The following LRRIQ3 variants were observed in gnomAD, a reference collection of about 807,000 sequenced individuals.
LRRIQ3 encodes the protein leucine-rich repeat and IQ domain-containing protein 3.
LRRIQ3 carries 75 observed loss-of-function variants against 59.3 expected under a neutral mutation model. The ratio of observed to expected loss-of-function variants is 1.26; its 90% CI spans 1.05 to 1.53. LRRIQ3 has a LOEUF of 1.53. Ranked by LOEUF, LRRIQ3 falls within the 40% of genes most tolerant of loss-of-function variation. The pLI, the probability that LRRIQ3 is intolerant of heterozygous loss-of-function variation, is 0.00. For missense variants in LRRIQ3, 831 were observed against 710.0 expected, an observed-to-expected ratio of 1.17 and a Z score of -1.94; for synonymous variants, 250 against 231.3, an observed-to-expected ratio of 1.08 and a Z score of -0.73.
At chr1:74,127,355 T>G (rs952359911) in intron 4 of LRRIQ3, among the ~76,000 whole-genome samples, 26 of 152,144 alleles carry the variant, frequency 1.7e-4, no homozygotes, top group African/African-American at 6.3e-4. Flanking sequence ...ATGTTATTGT[T>G]GATAGGTAAG....
intron 5 of LRRIQ3, among the ~76,000 whole-genome samples, chr1:74,091,440 C>T (rs74681580): frequency 6.6e-6 from 1 of 152,006 alleles, no homozygotes; most frequent in Non-Finnish European, 1.5e-5. Context: ...TAGAGTTACT[C>T]TGCTTATTAT....
At chr1:74,051,183 A>G (rs574255590) in intron 6 of LRRIQ3, among the ~76,000 whole-genome samples, 1 of 152,312 alleles carries the variant, frequency 6.6e-6, no homozygotes, top group East Asian at 1.9e-4. Context: ...GAAAATTGTA[A>G]CACATTAAAT....
At chr1:74,031,625 G>A (rs563800397) in intron 7 of LRRIQ3, among the ~76,000 whole-genome samples, 1 of 139,612 alleles carries the variant, frequency 7.2e-6, no homozygotes, top group African/African-American at 2.6e-5. Context: ...GGTGAGGGGA[G>A]GGGGGAGGGA....
chr1:74,026,516 T>C lies in LRRIQ3; in HGVS notation c.*297A>G, dbSNP rs17094753. ...TATGAATTGCTATATTTAGAAAGAA[T>C]ATGAAACAGAATATCAGCAATGTCA... On this transcript the variant is annotated 3_prime_UTR_variant, in exon 8 of 8. Coordinates refer to ENST00000354431, the MANE Select transcript of LRRIQ3 (RefSeq NM_001105659.2). The C allele has an allele frequency of 0.01, 2,165 of 207,980 alleles. 46 individuals are homozygous for C. Among genetic ancestry groups the C allele is most frequent in the African/African-American group, 0.048 (2,051 of 42,932 alleles). The allele number at this position is 207,980 out of a possible 1,614,324, so 12.9% of individuals were successfully genotyped here. A position where few individuals can be genotyped will look rare whatever the true frequency, so the allele number is the denominator to read the frequency against.
intron 6 of LRRIQ3, among the ~76,000 whole-genome samples, chr1:74,072,589 CA>C (rs1423069648): frequency 6.6e-6 from 1 of 151,798 alleles, no homozygotes; most frequent in Non-Finnish European, 1.5e-5. Context: ...AAAAAATAAT[CA>C]GTGCTCAGGA....
At chr1:74,099,777 A>G (rs1169697413) in intron 5 of LRRIQ3, among the ~76,000 whole-genome samples, 4 of 152,226 alleles carry the variant, frequency 2.6e-5, no homozygotes, top group African/African-American at 9.6e-5. Flanking sequence ...AATGTAATCC[A>G]TCATATAAAC....
At chr1:74,121,671 G>A (rs1646858204) in intron 4 of LRRIQ3, among the ~76,000 whole-genome samples, 1 of 151,920 alleles carries the variant, frequency 6.6e-6, no homozygotes, top group African/African-American at 2.4e-5. Context: ...CCATGTTGGT[G>A]TGCTGCACCC....
intron 4 of LRRIQ3, among the ~76,000 whole-genome samples, chr1:74,120,559 AT>A (rs1298462600): frequency 6.6e-6 from 1 of 151,948 alleles, no homozygotes; most frequent in Non-Finnish European, 1.5e-5. Context: ...CACCAGCCAA[AT>A]TTTTTAAATC....
chr1:74,163,907 C>T (rs186018063), intron 3 of LRRIQ3, among the ~76,000 whole-genome samples: 2 of 151,316 alleles, frequency 1.3e-5, no homozygotes, highest in African/African-American at 4.8e-5. Context: ...AATTTATTGT[C>T]ACTCTTTTTT....
At chr1:74,171,791 A>C (rs1649336702) in intron 3 of LRRIQ3, among the ~76,000 whole-genome samples, 1 of 152,158 alleles carries the variant, frequency 6.6e-6, no homozygotes, top group Non-Finnish European at 1.5e-5. Flanking sequence ...TGATTACATA[A>C]TCAACCTCCT....
At chr1:74,144,036 T>C (rs1414306557) in intron 4 of LRRIQ3, among the ~76,000 whole-genome samples, 1 of 151,890 alleles carries the variant, frequency 6.6e-6, no homozygotes, top group African/African-American at 2.4e-5. Flanking sequence ...AATGCATAAA[T>C]AGATGTTGGT....
Position 74,173,871 on chromosome 1 carries a change from C to T in LRRIQ3, c.573+8667G>A, listed in dbSNP as rs147515706. 3.8e-3 allele frequency among the ~76,000 whole-genome samples: 585 copies of T among 152,088 alleles called. 7 individuals carry two copies. Among genetic ancestry groups the T allele is most frequent in the East Asian group, 5.0e-3 (26 of 5,172 alleles). On this transcript the variant is annotated intron_variant, in intron 3 of 7. Transcript: ENST00000354431. ...ATCTCTCTTTTATTTTTTGAATAAGCATTTTGCTAGGCATAGTATTTTTGG... is the reference window on the plus strand; with the variant it reads ...ATCTCTCTTTTATTTTTTGAATAAGTATTTTGCTAGGCATAGTATTTTTGG...
intron 1 of LRRIQ3, among the ~76,000 whole-genome samples, chr1:74,191,061 G>A (rs983805678): frequency 1.3e-5 from 2 of 152,084 alleles, no homozygotes; most frequent in African/African-American, 4.8e-5. Flanking sequence ...AAATTACCCA[G>A]TGTTGAGTGT....
chr1:74,029,199 C>G (rs1653616846), intron 7 of LRRIQ3, among the ~76,000 whole-genome samples: 1 of 151,944 alleles, frequency 6.6e-6, no homozygotes, highest in African/African-American at 2.4e-5. Context: ...AATTGAATAC[C>G]CTTTATTTCT....
In LRRIQ3 at chr1:74,041,362, A is replaced by C; in HGVS notation, c.1569T>G (p.Asn523Lys). The change falls in exon 7 of 8, where the codon AAT (asparagine) becomes AAG (lysine). Residue 523 changes from asparagine to lysine, a missense_variant. Asn to Lys is a moderately conservative substitution (Grantham distance 94, BLOSUM62 0). Transcript: ENST00000354431. ...GTCCTCTGGTCAAAAGAGTGCGCTC[A>C]TTATTTAAGTTTTGAACTAATAAAC... Reference protein sequence around the residue: ...SERLLVQNLNNERTLLTRGLL... With the variant: ...SERLLVQNLNKERTLLTRGLL... The C allele has an allele frequency of 6.2e-7, 1 of 1,613,866 alleles. No individual in the cohort carries two copies. Among genetic ancestry groups the C allele is most frequent in the Non-Finnish European group, 8.5e-7 (1 of 1,179,896 alleles).
chr1:74,151,168 C>T (rs970155984), intron 4 of LRRIQ3, among the ~76,000 whole-genome samples: 32 of 151,728 alleles, frequency 2.1e-4, no homozygotes, highest in African/African-American at 7.5e-4. Flanking sequence ...CAGGTATGCA[C>T]CACCATGCTC....
At chr1:74,197,356 A>C (rs922541196) in intron 1 of LRRIQ3, among the ~76,000 whole-genome samples, 1 of 152,134 alleles carries the variant, frequency 6.6e-6, no homozygotes, top group African/African-American at 2.4e-5. Context: ...TAAATCTTTT[A>C]TTACTTACTA....
intron 4 of LRRIQ3, among the ~76,000 whole-genome samples, chr1:74,134,237 T>C (rs1039521772): frequency 1.3e-5 from 2 of 152,032 alleles, no homozygotes; most frequent in Non-Finnish European, 2.9e-5. Context: ...ACTAAAGGCA[T>C]ATAACCAAAT....
At chr1:74,118,978 C>T (rs186573987) in intron 4 of LRRIQ3, among the ~76,000 whole-genome samples, 2 of 152,240 alleles carry the variant, frequency 1.3e-5, no homozygotes, top group East Asian at 1.9e-4. Flanking sequence ...TCAAAGTCTA[C>T]AAATTTAAAT....
Sources: allele counts gnomAD v4.1 joint callset (sites outside exome capture counted in the v4.1 genomes callset), GRCh38; gene constraint gnomAD v4.1.1; transcripts MANE v1.5; gene names NCBI Gene and HGNC (gene_info 2026-07-23, HGNC 2026-07-21).